Variants in UNC80 observed in about 807,000 individuals in gnomAD.
UNC80 encodes the protein unc-80 subunit of NALCN channel complex, also known as protein unc-80 homolog.
In UNC80, 164 loss-of-function variants were observed where a neutral mutation model predicts 384.6. The observed-to-expected ratio is 0.43, with a 90% CI of 0.38 to 0.49. The LOEUF (loss-of-function observed/expected upper bound fraction) is 0.49, where lower values mean the gene tolerates loss of function less well. Among genes scored for constraint, UNC80 ranks in the 20% least tolerant of loss-of-function variants. The pLI is 0.00. For synonymous variants in UNC80, 1,486 were observed against 1,527.8 expected, an observed-to-expected ratio of 0.97 and a Z score of 0.64; for missense variants, 3,330 against 4,143.0, an observed-to-expected ratio of 0.80 and a Z score of 5.39.
chr2:209,912,997 C>G (rs1207325939), intron 30 of UNC80, among the ~76,000 whole-genome samples: 1 of 152,126 alleles, frequency 6.6e-6, no homozygotes, highest in Non-Finnish European at 1.5e-5. Flanking sequence ...GGTTCATATC[C>G]CATGTCTGCT....
chr2:209,854,092 T>C (rs2159746), intron 22 of UNC80, among the ~76,000 whole-genome samples: 24,731 of 152,074 alleles, frequency 0.16, 2,624 homozygotes, highest in African/African-American at 0.29. Context: ...TCCAGGCTTA[T>C]TGCATCAAAT....
chr2:209,859,036 A>G (rs1265241979), intron 22 of UNC80, among the ~76,000 whole-genome samples: 1 of 152,212 alleles, frequency 6.6e-6, no homozygotes, highest in East Asian at 1.9e-4. Context: ...ATATTTAACT[A>G]AAAGTCTAAA....
At chr2:209,933,772 G>T in intron 38 of UNC80, 50 bp from the exon 39 acceptor site, 1 of 1,463,700 alleles carries the variant, frequency 6.8e-7, no homozygotes, top group South Asian at 1.3e-5. Flanking sequence ...ATGAGAATGT[G>T]AGCTCGGGAT....
intron 59 of UNC80, among the ~76,000 whole-genome samples, 192 bp downstream of exon 59, chr2:209,978,900 T>C (rs950481885): frequency 6.6e-6 from 1 of 152,184 alleles, no homozygotes; most frequent in Non-Finnish European, 1.5e-5. Flanking sequence ...CTTGATACCC[T>C]TTGGTCATTT....
rs1209466178 is a variant in UNC80, at chr2:209,825,036, A to G, written c.2332-871A>G. 2.0e-5 allele frequency among the ~76,000 whole-genome samples: 3 copies of G among 152,194 alleles called. No homozygotes were observed. In the East Asian group the frequency reaches 5.8e-4, roughly 29 times the overall value. ...CACAAAGAGATTAGTTAACTTATCTAACATCATATGTGGTTAAGGAACAGA... is the reference window on the plus strand; with the variant it reads ...CACAAAGAGATTAGTTAACTTATCTGACATCATATGTGGTTAAGGAACAGA... On this transcript the variant is annotated intron_variant, in intron 13 of 64. Coordinates refer to ENST00000673920, the MANE Select transcript of UNC80 (RefSeq NM_001371986.1).
chr2:209,906,121 G>A (rs1167262277), intron 29 of UNC80, among the ~76,000 whole-genome samples: 4 of 152,180 alleles, frequency 2.6e-5, no homozygotes, highest in African/African-American at 9.7e-5. Flanking sequence ...TTGCAAACCA[G>A]GTTTGGCCTG....
At chr2:209,943,571 GTTAT>G in intron 45 of UNC80, 57 bp downstream of exon 45, 1 of 1,541,816 alleles carries the variant, frequency 6.5e-7, no homozygotes, top group Non-Finnish European at 8.8e-7. Context: ...AAAAGCAAAG[GTTAT>G]TTATTAGAGC....
At chr2:209,960,707 C>G (rs138001178) in intron 51 of UNC80, among the ~76,000 whole-genome samples, 1 of 152,278 alleles carries the variant, frequency 6.6e-6, no homozygotes, top group East Asian at 1.9e-4. Context: ...AGTGTAATTT[C>G]ACATTCTTTG....
chr2:209,789,532 C>A lies in UNC80; in HGVS notation c.725C>A (p.Ala242Asp). 1 of 1,610,920 alleles carries A rather than the reference C, an allele frequency of 6.2e-7. No homozygotes were observed. Among genetic ancestry groups the A allele is most frequent in the Non-Finnish European group, 8.5e-7 (1 of 1,177,712 alleles). Reference sequence around the variant, plus strand: ...GATGGAACTTCTTCCGTCTTTTCAGCTAAGAGAAGTTCTCCTATCAACAGT... The same window carrying A: ...GATGGAACTTCTTCCGTCTTTTCAGATAAGAGAAGTTCTCCTATCAACAGT... ...LVKPIRNIIT[A>D]KRSSPINSQS... Residue 242 changes from alanine (A) to aspartate (D), a missense_variant and splice_region_variant, in exon 6 of 65, where the codon GCT (alanine) becomes GAT (aspartate). Ala to Asp is a moderately radical substitution (Grantham distance 126, BLOSUM62 -2). Coordinates refer to ENST00000673920, the MANE Select transcript of UNC80 (RefSeq NM_001371986.1).
intron 35 of UNC80, 61 bp from the exon 36 acceptor site, chr2:209,926,782 A>G (rs2090468991): frequency 2.0e-6 from 3 of 1,538,102 alleles, no homozygotes; most frequent in Admixed American, 2.0e-5. Context: ...TCTCAAAACA[A>G]CAGTAGCAAC....
chr2:209,856,252 T>A (rs941873386), intron 22 of UNC80, among the ~76,000 whole-genome samples: 2 of 152,292 alleles, frequency 1.3e-5, no homozygotes, highest in African/African-American at 4.8e-5. Context: ...TGTTTCTGCT[T>A]TGGTAAAATA....
chr2:209,809,564 C>T (rs2079183279), intron 7 of UNC80: 2 of 881,618 alleles, frequency 2.3e-6, no homozygotes, highest in Non-Finnish European at 3.7e-6. Context: ...TCGGGCTGCT[C>T]AGGGGGCCCT....
intron 31 of UNC80, among the ~76,000 whole-genome samples, chr2:209,916,287 G>A (rs566325165): frequency 6.6e-6 from 1 of 152,128 alleles, no homozygotes; most frequent in Non-Finnish European, 1.5e-5. Context: ...AAGAAGCCCA[G>A]CCAGAAAAAG....
At position 209,976,391 on chromosome 2, in the gene UNC80, A is replaced by C; in HGVS notation, c.8772+88A>C. 3 of 1,512,672 alleles carry C rather than the reference A, an allele frequency of 2.0e-6. No individual in the cohort carries two copies. Among genetic ancestry groups the C allele is most frequent in the Non-Finnish European group, 2.7e-6 (3 of 1,116,684 alleles). 93.7% of individuals were successfully genotyped at this position (1,512,672 alleles called of 1,614,324 possible). A position where few individuals can be genotyped will look rare whatever the true frequency, so the allele number is the denominator to read the frequency against. On this transcript the variant is annotated intron_variant, in intron 57 of 64. Coordinates refer to ENST00000673920, the MANE Select transcript of UNC80 (RefSeq NM_001371986.1). The surrounding 1 kb of genome is among the most constrained non-coding windows in gnomAD (Gnocchi z 4.3). ...AGGCAGGAATATGGCAGGAGTGCTCATGGTACCTACTGTTGCCAGTTAGTA... is the reference window on the plus strand; with the variant it reads ...AGGCAGGAATATGGCAGGAGTGCTCCTGGTACCTACTGTTGCCAGTTAGTA...
intron 29 of UNC80, among the ~76,000 whole-genome samples, chr2:209,907,479 A>G (rs189814972): frequency 2.4e-4 from 37 of 152,264 alleles, no homozygotes; most frequent in African/African-American, 7.5e-4. Context: ...AGGGGAAAAT[A>G]AAAGACAGCC....
intron 31 of UNC80, among the ~76,000 whole-genome samples, chr2:209,915,571 T>C (rs1158364126): frequency 6.6e-6 from 1 of 152,104 alleles, no homozygotes; most frequent in African/African-American, 2.4e-5. Context: ...TAACCGACTT[T>C]GAATGACAGG....
intron 47 of UNC80, chr2:209,951,645 G>C (rs73078987): frequency 0.095 from 14,432 of 152,078 alleles, 1,673 homozygotes; most frequent in African/African-American, 0.27. Flanking sequence ...TCTTTGCTTT[G>C]GGTTTTAAGC....
intron 7 of UNC80, among the ~76,000 whole-genome samples, chr2:209,797,930 A>G (rs1352122924): frequency 6.6e-6 from 1 of 151,990 alleles, no homozygotes; most frequent in Admixed American, 6.5e-5. Context: ...GCTTTTTTTC[A>G]TATGTTTGTC....
Position 209,904,344 on chromosome 2 carries a change from C to A in UNC80, c.4582-421C>A, listed in dbSNP as rs1163326908. ...ATGGGTGGGCTGGCATTAAAGGTGTCCCACAGCTGTCAAAGGTCAGCCAGA... is the reference window on the plus strand; with the variant it reads ...ATGGGTGGGCTGGCATTAAAGGTGTACCACAGCTGTCAAAGGTCAGCCAGA... On this transcript the variant is annotated intron_variant, in intron 28 of 64. Coordinates refer to ENST00000673920, the MANE Select transcript of UNC80 (RefSeq NM_001371986.1). Among the ~76,000 whole-genome samples, 5 of 152,300 alleles carry A rather than the reference C, an allele frequency of 3.3e-5. No homozygotes were observed. The South Asian group carries it at 1.0e-3, about 32-fold the overall frequency.
Sources: allele counts gnomAD v4.1 joint callset (sites outside exome capture counted in the v4.1 genomes callset), GRCh38; gene constraint gnomAD v4.1.1; non-coding constraint Gnocchi (gnomAD v3.1); transcripts MANE v1.5; gene names NCBI Gene and HGNC (gene_info 2026-07-23, HGNC 2026-07-21).